Variants in ETFBKMT observed in about 807,000 individuals in gnomAD.
The protein encoded by ETFBKMT is electron transfer flavoprotein subunit beta lysine methyltransferase.
ETFBKMT carries 13 observed loss-of-function variants against 18.3 expected under a neutral mutation model. That is an observed-to-expected ratio of 0.71 (90% CI 0.46 to 1.13). The LOEUF (loss-of-function observed/expected upper bound fraction) is 1.13. Among genes scored for constraint, ETFBKMT ranks in the 50% most tolerant of loss-of-function variants. The pLI, the probability that ETFBKMT is intolerant of heterozygous loss-of-function variation, is 0.00. For synonymous variants in ETFBKMT, 84 were observed against 107.9 expected (o/e 0.78, Z 1.37); for missense variants, 293 against 306.2 (o/e 0.96, Z 0.32).
chr12:31,661,101 C>T (rs773411933), intron 1 of ETFBKMT: 1 of 152,196 alleles, frequency 6.6e-6, no homozygotes, highest in Non-Finnish European at 1.5e-5. Context: ...TATTATGAGT[C>T]ATCCAGAGAT....
rs146546807 is a variant in ETFBKMT at position 31,664,032 on chromosome 12, G to A, written c.314+1765G>A. Among the ~76,000 whole-genome samples the A allele has an allele frequency of 9.5e-4, 143 of 150,900 alleles. 1 individual carries two copies. Among genetic ancestry groups the A allele is most frequent in the Non-Finnish European group, 1.8e-3 (121 of 67,864 alleles). On this transcript the variant is annotated intron_variant, in intron 2 of 3. Transcript: ENST00000357721. ...TACTGCTTACTGTCTTATTTCATATGTCCTGTTTCTGCTATCTTGTATGCT... is the reference window on the plus strand; with the variant it reads ...TACTGCTTACTGTCTTATTTCATATATCCTGTTTCTGCTATCTTGTATGCT...
At chr12:31,659,919 C>A (rs1383877444) in intron 1 of ETFBKMT, 130 bp downstream of exon 1, 1 of 145,376 alleles carries the variant, frequency 6.9e-6, no homozygotes, top group Non-Finnish European at 1.5e-5. Context: ...GAGGTCGAGG[C>A]AGGAGGATCG....
Position 31,666,158 on chromosome 12 carries a change from C to A in ETFBKMT, c.386C>A (p.Thr129Lys). The A allele has an allele frequency of 6.2e-7, 1 of 1,614,096 alleles. No homozygotes were observed. Among genetic ancestry groups the A allele is most frequent in the Non-Finnish European group, 8.5e-7 (1 of 1,179,954 alleles). The stretch of plus-strand genomic sequence containing the variant: ...GATCTTGGGAGTGGATGTGGAGCTA[C>A]AGCTATTGCTGCTAAGATGAGTGGG... ...VLDLGSGCGA[T>K]AIAAKMSGAS... Residue 129 changes from threonine (T) to lysine (K), a missense_variant, in exon 3 of 4, where the codon ACA (threonine) becomes AAA (lysine). Coordinates refer to ENST00000357721, the MANE Select transcript of ETFBKMT (RefSeq NM_001135863.2).
chr12:31,653,439 T>C (rs1951033934), intron 1 of ETFBKMT, among the ~76,000 whole-genome samples: 1 of 140,716 alleles, frequency 7.1e-6, no homozygotes, highest in Non-Finnish European at 1.6e-5. Context: ...TTGTCGGATG[T>C]TTAGGTGTGA....
intron 1 of ETFBKMT, chr12:31,647,402 AC>A (rs1950977622): frequency 6.6e-6 from 1 of 152,194 alleles, no homozygotes; most frequent in South Asian, 2.1e-4. Flanking sequence ...GAACCAGACG[AC>A]ATGTGTGTCA....
At chr12:31,655,005 A>G (rs1047435329), upstream of ETFBKMT, among the ~76,000 whole-genome samples, 21 of 151,820 alleles carry the variant, frequency 1.4e-4, no homozygotes, top group Non-Finnish European at 2.2e-4. Context: ...GCAGTGAGCC[A>G]AGATCGCGCC....
At chr12:31,658,985 G>A (rs879369858), upstream of ETFBKMT, among the ~76,000 whole-genome samples, 1 of 148,286 alleles carries the variant, frequency 6.7e-6, no homozygotes, top group Non-Finnish European at 1.5e-5. Flanking sequence ...TCTATGCCCG[G>A]TGCCTGGAAG....
intron 1 of ETFBKMT, among the ~76,000 whole-genome samples, chr12:31,647,406 G>A (rs555463047): frequency 6.6e-6 from 1 of 152,296 alleles, no homozygotes; most frequent in Non-Finnish European, 1.5e-5. Context: ...CAGACGACAT[G>A]TGTGTCATCC....
intron 2 of ETFBKMT, among the ~76,000 whole-genome samples, chr12:31,663,657 A>T (rs533636110): frequency 2.0e-5 from 3 of 152,352 alleles, no homozygotes; most frequent in African/African-American, 7.2e-5. Flanking sequence ...AAGGCAGCAA[A>T]CAGTTTGTTA....
intron 1 of ETFBKMT, 149 bp from the exon 2 acceptor site, chr12:31,661,692 C>T (rs1951126079): frequency 2.7e-6 from 1 of 374,222 alleles, no homozygotes; most frequent in South Asian, 2.9e-5. Context: ...AACACCTGAC[C>T]TCGTGATCCA....
chr12:31,656,871 C>T (rs1399459689), upstream of ETFBKMT, among the ~76,000 whole-genome samples: 1 of 152,180 alleles, frequency 6.6e-6, no homozygotes, highest in Non-Finnish European at 1.5e-5. Context: ...TAACTGAAAA[C>T]CTGATCTGCT....
intron 1 of ETFBKMT, among the ~76,000 whole-genome samples, chr12:31,648,775 A>G (rs78760994): frequency 6.5e-4 from 99 of 151,288 alleles, no homozygotes; most frequent in Non-Finnish European, 2.2e-4. Context: ...GTTAGCCAGG[A>G]TGGTCTCGAT....
At chr12:31,665,523 A>T (rs1314419980) in intron 2 of ETFBKMT, among the ~76,000 whole-genome samples, 1 of 151,466 alleles carries the variant, frequency 6.6e-6, no homozygotes, top group Non-Finnish European at 1.5e-5. Flanking sequence ...CATACCTCTT[A>T]TTTGCTGAGA....
intron 1 of ETFBKMT, among the ~76,000 whole-genome samples, 176 bp from the exon 2 acceptor site, chr12:31,661,665 T>G (rs1321236984): frequency 6.6e-6 from 1 of 152,136 alleles, no homozygotes; most frequent in Non-Finnish European, 1.5e-5. Flanking sequence ...TTCACCATGA[T>G]GGCCACACTG....
At chr12:31,657,192 G>A (rs7298857), upstream of ETFBKMT, among the ~76,000 whole-genome samples, 24,649 of 152,098 alleles carry the variant, frequency 0.16, 2,110 homozygotes, top group South Asian at 0.2. Context: ...AAGAGGGACC[G>A]ATTATTAGAG....
At chr12:31,656,566 G>A (rs988336749), upstream of ETFBKMT, among the ~76,000 whole-genome samples, 4 of 152,172 alleles carry the variant, frequency 2.6e-5, no homozygotes, top group South Asian at 2.1e-4. Context: ...CAGGCCAATC[G>A]AGTGGAGCAA....
chr12:31,648,207 C>A (rs899042147), intron 1 of ETFBKMT, among the ~76,000 whole-genome samples: 2 of 152,166 alleles, frequency 1.3e-5, no homozygotes, highest in Non-Finnish European at 2.9e-5. Context: ...GAATGTAGTA[C>A]AATTGTCCTT....
In ETFBKMT at chr12:31,662,294, C is replaced by T. The variant is rs781439277; in HGVS notation, c.314+27C>T. The T allele has an allele frequency of 7.5e-6, 12 of 1,598,402 alleles. No individual in the cohort carries two copies. The Admixed American group carries it at 1.7e-4, about 23-fold the overall frequency. On this transcript the variant is annotated intron_variant, in intron 2 of 3. Coordinates refer to ENST00000357721, the MANE Select transcript of ETFBKMT (RefSeq NM_001135863.2). Reference sequence around the variant, plus strand: ...TACTACCCTAATGAAACCTTTAAGGCGCTACAGATCTTTGCTGTTTTCAGT... The same window carrying T: ...TACTACCCTAATGAAACCTTTAAGGTGCTACAGATCTTTGCTGTTTTCAGT...
chr12:31,660,327 A>G (rs1951106644), intron 1 of ETFBKMT, among the ~76,000 whole-genome samples: 1 of 152,136 alleles, frequency 6.6e-6, no homozygotes, highest in African/African-American at 2.4e-5. Context: ...GTTATTTTAC[A>G]GCCAGCCTGC....
Sources: allele counts gnomAD v4.1 joint callset (sites outside exome capture counted in the v4.1 genomes callset), GRCh38; gene constraint gnomAD v4.1.1; transcripts MANE v1.5; gene names NCBI Gene and HGNC (gene_info 2026-07-23, HGNC 2026-07-21).